LINGO2: variants seen among roughly 807,000 people sequenced by gnomAD.
LINGO2 encodes the protein leucine-rich repeat and immunoglobulin-like domain-containing nogo receptor-interacting protein 2.
Under a neutral mutation model 30.6 loss-of-function variants are expected in LINGO2, and 14 were observed. The observed-to-expected ratio is 0.46, with a 90% CI of 0.30 to 0.72. The LOEUF (loss-of-function observed/expected upper bound fraction) is 0.72, where lower values mean the gene tolerates loss of function less well. Among genes scored for constraint, LINGO2 ranks in the 30% least tolerant of loss-of-function variants. The pLI, the probability that LINGO2 is intolerant of heterozygous loss-of-function variation, is 0.07. For synonymous variants in LINGO2, 317 were observed against 288.5 expected (o/e 1.10, Z -1.00); for missense variants, 729 against 751.7 (o/e 0.97, Z 0.35).
At chr9:28,700,679 T>A in the LINGO2 span, among the ~76,000 whole-genome samples, 5 of 152,106 alleles carry the variant, frequency 3.3e-5, no homozygotes, top group African/African-American at 1.2e-4. Flanking sequence ...AGAGCACAAC[T>A]GCTGGATTGT....
At chr9:28,735,939 A>T in the LINGO2 span, among the ~76,000 whole-genome samples, 57 of 152,310 alleles carry the variant, frequency 3.7e-4, no homozygotes, top group East Asian at 4.2e-3. Flanking sequence ...TATTTTTGTT[A>T]TCCTCAGTGA....
At chr9:28,708,979 C>T in the LINGO2 span, among the ~76,000 whole-genome samples, 1 of 152,064 alleles carries the variant, frequency 6.6e-6, no homozygotes, top group Admixed American at 6.6e-5. Context: ...TATCATGCTA[C>T]AATTAATTAA....
the LINGO2 span, among the ~76,000 whole-genome samples, chr9:28,937,302 T>C: frequency 0.74 from 112,585 of 151,986 alleles, 41,845 homozygotes; most frequent in Non-Finnish European, 0.78. Context: ...AGGCAGCATT[T>C]GAAATTTGTT....
chr9:28,698,556 A>G, the LINGO2 span, among the ~76,000 whole-genome samples: 4 of 152,086 alleles, frequency 2.6e-5, no homozygotes, highest in East Asian at 5.8e-4. Context: ...ATACTTTGCA[A>G]CATAATGAAA....
intron 5 of LINGO2, among the ~76,000 whole-genome samples, chr9:28,005,186 C>T (rs1822200306): frequency 6.6e-6 from 1 of 152,178 alleles, no homozygotes; most frequent in Non-Finnish European, 1.5e-5. Flanking sequence ...ATGTGACTGG[C>T]TGAGGTCATA....
the LINGO2 span, among the ~76,000 whole-genome samples, chr9:29,187,780 A>ATTTTTTTTTTTTTTTT: frequency 1.7e-5 from 2 of 118,846 alleles, no homozygotes; most frequent in Non-Finnish European, 3.4e-5. Flanking sequence ...ATACATTTCA[A>ATTTTTTTTTTTTTTTT]TTTTTTTTTT....
At chr9:29,094,654 T>TG in the LINGO2 span, among the ~76,000 whole-genome samples, 2 of 138,916 alleles carry the variant, frequency 1.4e-5, no homozygotes, top group African/African-American at 5.4e-5. Context: ...AAATATAAAC[T>TG]GGATTTTAGT....
At chr9:28,246,339 G>T (rs932629806) in intron 4 of LINGO2, among the ~76,000 whole-genome samples, 1 of 151,970 alleles carries the variant, frequency 6.6e-6, no homozygotes, top group African/African-American at 2.4e-5. Flanking sequence ...AAGGAGAATC[G>T]CTTGAACCCA....
chr9:29,041,854 G>A, the LINGO2 span, among the ~76,000 whole-genome samples: 24,345 of 151,800 alleles, frequency 0.16, 2,189 homozygotes, highest in South Asian at 0.21. Flanking sequence ...TTGAAAGGAT[G>A]AAAAGTCAAG....
rs75854992 is a variant in LINGO2, at chr9:28,227,510, A to G, written c.-87+67698T>C. On this transcript the variant is annotated intron_variant, in intron 4 of 5. Coordinates refer to ENST00000379992, the Ensembl canonical transcript of LINGO2. ...GGAAATGCAGAATCTATATTGTTCCATTCTCCCCTTCTATGTGGCTGGTAT... is the reference window on the plus strand; with the variant it reads ...GGAAATGCAGAATCTATATTGTTCCGTTCTCCCCTTCTATGTGGCTGGTAT... Among the ~76,000 whole-genome samples, 847 of 152,172 alleles carry G rather than the reference A, an allele frequency of 5.6e-3. 13 individuals are homozygous for G. Among genetic ancestry groups the G allele is most frequent in the East Asian group, 0.038 (197 of 5,184 alleles).
At chr9:28,870,063 C>T in the LINGO2 span, among the ~76,000 whole-genome samples, 2 of 151,814 alleles carry the variant, frequency 1.3e-5, no homozygotes, top group Non-Finnish European at 2.9e-5. Context: ...TTGAGTCCCT[C>T]CTTCACTCTT....
intron 4 of LINGO2, among the ~76,000 whole-genome samples, chr9:28,197,669 GT>G (rs1215406466): frequency 1.3e-5 from 2 of 151,828 alleles, no homozygotes; most frequent in African/African-American, 4.8e-5. Flanking sequence ...GTTTTTCTAA[GT>G]ATAATACTTT....
the LINGO2 span, among the ~76,000 whole-genome samples, chr9:29,080,290 AT>A: frequency 6.6e-6 from 1 of 151,898 alleles, no homozygotes; most frequent in African/African-American, 2.4e-5. Context: ...CGGTGGTGAT[AT>A]CCCCTTTATC....
At chr9:28,059,707 G>A (rs747006827) in intron 4 of LINGO2, among the ~76,000 whole-genome samples, 16 of 152,066 alleles carry the variant, frequency 1.1e-4, no homozygotes, top group Admixed American at 7.2e-4. Context: ...ATTATGAACA[G>A]TGTATTGGAA....
the LINGO2 span, among the ~76,000 whole-genome samples, chr9:29,109,741 T>A: frequency 6.6e-6 from 1 of 152,220 alleles, no homozygotes; most frequent in Non-Finnish European, 1.5e-5. Context: ...TTGCAACGCA[T>A]AGAGTTAATT....
At chr9:27,991,345 G>A (rs1202880017) in intron 5 of LINGO2, among the ~76,000 whole-genome samples, 1 of 151,960 alleles carries the variant, frequency 6.6e-6, no homozygotes, top group African/African-American at 2.4e-5. Flanking sequence ...ATTTGCTTGT[G>A]GCTTTGGTCT....
the LINGO2 span, among the ~76,000 whole-genome samples, chr9:28,915,024 T>C: frequency 6.6e-6 from 1 of 152,102 alleles, no homozygotes; most frequent in African/African-American, 2.4e-5. Context: ...CCCAGCTACT[T>C]GGGAGGCTGA....
At chr9:28,192,314 A>G (rs1185205102) in intron 4 of LINGO2, among the ~76,000 whole-genome samples, 1 of 152,086 alleles carries the variant, frequency 6.6e-6, no homozygotes, top group Non-Finnish European at 1.5e-5. Flanking sequence ...GTGGCTTTTC[A>G]TATTTTTCAA....
chr9:29,081,143 A>G, the LINGO2 span, among the ~76,000 whole-genome samples: 1 of 152,106 alleles, frequency 6.6e-6, no homozygotes, highest in African/African-American at 2.4e-5. Flanking sequence ...TTTTTGACCA[A>G]TATCCCTGAT....
Sources: gnomAD v4.1 joint callset for allele counts (sites outside exome capture counted in the v4.1 genomes callset) on GRCh38, gnomAD v4.1.1 for gene constraint, MANE v1.5 for transcripts, NCBI Gene and HGNC (gene_info 2026-07-23, HGNC 2026-07-21) for gene names.